ENTPD1: variants seen among roughly 807,000 people sequenced by gnomAD.
ENTPD1 encodes the protein ectonucleoside triphosphate diphosphohydrolase 1, also known as ATP diphosphohydrolase.
In ENTPD1, 33 loss-of-function variants were observed where a neutral mutation model predicts 57.0. The observed-to-expected ratio is 0.58, with a 90% CI of 0.44 to 0.77. The LOEUF (loss-of-function observed/expected upper bound fraction) is 0.77, where lower values mean the gene tolerates loss of function less well. ENTPD1 is among the 30% of genes least tolerant of loss of function. ENTPD1 has a pLI of 0.00. For missense variants in ENTPD1, 501 were observed against 603.4 expected, an observed-to-expected ratio of 0.83 and a Z score of 1.78; for synonymous variants, 202 against 218.8, an observed-to-expected ratio of 0.92 and a Z score of 0.68.
At chr10:95,822,231 C>T (rs1165812360) in intron 1 of ENTPD1, among the ~76,000 whole-genome samples, 2 of 151,854 alleles carry the variant, frequency 1.3e-5, no homozygotes, top group Non-Finnish European at 2.9e-5. Context: ...ATCTGTTGAC[C>T]TCGTGATCCA....
In ENTPD1 at chr10:95,800,117, G is replaced by A. The variant is rs530755925; in HGVS notation, c.17-23120G>A. Among the ~76,000 whole-genome samples, 22 of 152,128 alleles carry A rather than the reference G, an allele frequency of 1.4e-4. No individual in the cohort carries two copies. The South Asian group carries it at 1.7e-3, about 11-fold the overall frequency. On this transcript the variant is annotated intron_variant, in intron 1 of 9. Transcript: ENST00000371205. ...TTGATAGTTTATTTTGCTGTGTATC[G>A]GGGGAACCAGCCCCCAATATTTCAA...
At chr10:95,833,352 C>G (rs1268232122) in intron 2 of ENTPD1, among the ~76,000 whole-genome samples, 1 of 152,002 alleles carries the variant, frequency 6.6e-6, no homozygotes, top group African/African-American at 2.4e-5. Flanking sequence ...TCTAGTAACT[C>G]TAATTAAAGA....
intron 5 of ENTPD1, among the ~76,000 whole-genome samples, chr10:95,845,093 G>A (rs999110435): frequency 1.3e-5 from 2 of 152,146 alleles, no homozygotes; most frequent in South Asian, 4.1e-4. Flanking sequence ...GACTGAGTGA[G>A]AATTTGAACT....
In ENTPD1 at chr10:95,864,839, A is replaced by G. The variant is rs2098471313; in HGVS notation, c.1304A>G (p.Glu435Gly). Residue 435 changes from glutamate (E) to glycine (G), a missense_variant, in exon 9 of 10, where the codon GAG (glutamate) becomes GGG (glycine). Coordinates refer to ENST00000371205, the MANE Select transcript of ENTPD1 (RefSeq NM_001776.6). ...TATCATTTCACAGCTGATTCCTGGGAGCACATCCATTTCATTGGCAAGGTA... is the reference window on the plus strand; with the variant it reads ...TATCATTTCACAGCTGATTCCTGGGGGCACATCCATTTCATTGGCAAGGTA... ...QGYHFTADSW[E>G]HIHFIGKIQG... 1 of 1,613,470 alleles carries G rather than the reference A, an allele frequency of 6.2e-7. No homozygotes were observed. The highest frequency in any genetic ancestry group is 1.3e-5 in the African/African-American group (1 of 74,842).
intron 7 of ENTPD1, among the ~76,000 whole-genome samples, chr10:95,851,483 G>A (rs901291963): frequency 3.3e-5 from 5 of 151,692 alleles, no homozygotes; most frequent in Admixed American, 1.3e-4. Context: ...ACAACATGCA[G>A]GTTTGTTAGA....
At chr10:95,784,102 C>CT (rs200561277) in intron 1 of ENTPD1, among the ~76,000 whole-genome samples, 15,560 of 134,522 alleles carry the variant, frequency 0.12, 1,070 homozygotes, top group East Asian at 0.21. Context: ...TTTGCTTGTT[C>CT]TTTTTTTTTT....
intron 1 of ENTPD1, among the ~76,000 whole-genome samples, chr10:95,714,341 T>C (rs2097969130): frequency 1.3e-5 from 2 of 151,878 alleles, no homozygotes; most frequent in African/African-American, 2.4e-5. Flanking sequence ...AAAATTTACA[T>C]AAATAAATAA....
the ENTPD1 span, among the ~76,000 whole-genome samples, chr10:95,695,189 T>A: frequency 6.6e-6 from 1 of 152,030 alleles, no homozygotes; most frequent in Non-Finnish European, 1.5e-5. Flanking sequence ...CAGCTGTGAG[T>A]CGCTGTGCCT....
chr10:95,786,807 C>T (rs1196575874), intron 1 of ENTPD1, among the ~76,000 whole-genome samples: 1 of 152,184 alleles, frequency 6.6e-6, no homozygotes, highest in East Asian at 1.9e-4. Context: ...GAGTGTTGCA[C>T]ATTTAGATAT....
intron 1 of ENTPD1, among the ~76,000 whole-genome samples, chr10:95,798,110 CCTGGTGT>C (rs1435872366): frequency 5.3e-5 from 8 of 152,208 alleles, no homozygotes; most frequent in African/African-American, 1.9e-4. Context: ...ATTGGAAAAA[CCTGGTGT>C]CATGGGAGCC....
At chr10:95,824,336 A>G (rs2098365781) in intron 2 of ENTPD1, among the ~76,000 whole-genome samples, 2 of 152,222 alleles carry the variant, frequency 1.3e-5, no homozygotes. Flanking sequence ...AAGATGTTGA[A>G]CTGGGAGCCT....
At chr10:95,856,503 A>G (rs2098454976) in intron 7 of ENTPD1, among the ~76,000 whole-genome samples, 1 of 152,166 alleles carries the variant, frequency 6.6e-6, no homozygotes, top group Non-Finnish European at 1.5e-5. Context: ...ATATCTACCC[A>G]GAGGAAAATA....
the ENTPD1 span, among the ~76,000 whole-genome samples, chr10:95,699,115 C>T: frequency 6.6e-6 from 1 of 152,070 alleles, no homozygotes; most frequent in South Asian, 2.1e-4. Context: ...GTTGAGGCTG[C>T]AGTGAGCCAT....
intron 2 of ENTPD1, among the ~76,000 whole-genome samples, chr10:95,835,225 G>A (rs1291072753): frequency 6.6e-6 from 1 of 152,104 alleles, no homozygotes; most frequent in East Asian, 1.9e-4. Flanking sequence ...TTCGCTTAGG[G>A]TAGTGGCCTC....
chr10:95,784,124 T>C (rs1382716611), intron 1 of ENTPD1, among the ~76,000 whole-genome samples: 1 of 145,112 alleles, frequency 6.9e-6, no homozygotes, highest in Middle Eastern at 3.3e-3. Flanking sequence ...TTTTTGATTG[T>C]AGAAAAGATC....
chr10:95,719,430 G>A (rs771794721), intron 1 of ENTPD1, among the ~76,000 whole-genome samples: 14 of 152,120 alleles, frequency 9.2e-5, no homozygotes, highest in East Asian at 5.8e-4. Flanking sequence ...CTATTTTGCC[G>A]TACCTGGGAA....
intron 1 of ENTPD1, among the ~76,000 whole-genome samples, chr10:95,797,957 A>AGTAGGGAG (rs1453257077): frequency 6.6e-6 from 1 of 152,132 alleles, no homozygotes; most frequent in East Asian, 1.9e-4. Flanking sequence ...CCTCATAGTG[A>AGTAGGGAG]GTAGGGAGTT....
chr10:95,805,316 C>A (rs1413567344), intron 1 of ENTPD1, among the ~76,000 whole-genome samples: 10 of 150,472 alleles, frequency 6.6e-5, no homozygotes, highest in South Asian at 4.2e-4. Context: ...TGCAACCCCT[C>A]CTTTTTTTTG....
chr10:95,806,367 C>T (rs1298607374), intron 1 of ENTPD1, among the ~76,000 whole-genome samples: 1 of 152,206 alleles, frequency 6.6e-6, no homozygotes, highest in Non-Finnish European at 1.5e-5. Flanking sequence ...CTTTTCTACA[C>T]TGTTTATTCT....
Sources: gnomAD v4.1 joint callset for allele counts (sites outside exome capture counted in the v4.1 genomes callset) on GRCh38, gnomAD v4.1.1 for gene constraint, MANE v1.5 for transcripts, NCBI Gene and HGNC (gene_info 2026-07-23, HGNC 2026-07-21) for gene names.